Variants in TYR observed in about 807,000 individuals in gnomAD.
TYR encodes LB24-AB.
TYR carries 58 observed loss-of-function variants against 51.5 expected under a neutral mutation model. The observed-to-expected ratio is 1.13, with a 90% CI of 0.91 to 1.40. The LOEUF is 1.40. Ranked by LOEUF, TYR falls within the 40% of genes most tolerant of loss-of-function variation. The pLI is 0.00. For missense variants in TYR, 732 were observed against 647.4 expected, an observed-to-expected ratio of 1.13 and a Z score of -1.42; for synonymous variants, 263 against 235.2, an observed-to-expected ratio of 1.12 and a Z score of -1.08.
chr11:89,291,424 T>C (rs1382350392), intron 4 of TYR, among the ~76,000 whole-genome samples: 1 of 152,040 alleles, frequency 6.6e-6, no homozygotes, highest in Non-Finnish European at 1.5e-5. Context: ...TATCATCTAT[T>C]AATTGCATCA....
intron 2 of TYR, among the ~76,000 whole-genome samples, chr11:89,202,944 C>G (rs943667069): frequency 2.0e-5 from 3 of 152,092 alleles, no homozygotes; most frequent in African/African-American, 7.2e-5. Flanking sequence ...AGTAAAATCT[C>G]TAGTGTAAAA....
chr11:89,209,538 T>C (rs944957598), intron 2 of TYR, among the ~76,000 whole-genome samples: 4 of 152,164 alleles, frequency 2.6e-5, no homozygotes, highest in African/African-American at 7.2e-5. Context: ...AGGGCATATC[T>C]GAACAAAAGG....
chr11:89,260,625 C>A (rs1490911069), intron 3 of TYR, among the ~76,000 whole-genome samples: 1 of 152,084 alleles, frequency 6.6e-6, no homozygotes, highest in African/African-American at 2.4e-5. Flanking sequence ...GTAAAGAGCA[C>A]TGTGAAAGAT....
chr11:89,281,919 T>C (rs1287034610), intron 3 of TYR, among the ~76,000 whole-genome samples: 2 of 151,798 alleles, frequency 1.3e-5, no homozygotes, highest in African/African-American at 4.8e-5. Flanking sequence ...TAAGTTTTGC[T>C]AAAAAGATGA....
At chr11:89,285,203 C>G (rs1944769714) in intron 4 of TYR, among the ~76,000 whole-genome samples, 1 of 151,264 alleles carries the variant, frequency 6.6e-6, no homozygotes, top group South Asian at 2.1e-4. Flanking sequence ...GCAGTAGAAT[C>G]AGAAGAAGAA....
chr11:89,267,131 C>T (rs1164734626), intron 3 of TYR, among the ~76,000 whole-genome samples: 1 of 151,818 alleles, frequency 6.6e-6, no homozygotes, highest in Non-Finnish European at 1.5e-5. Flanking sequence ...AAAGTTGATG[C>T]TTAGGGCTTA....
intron 1 of TYR, among the ~76,000 whole-genome samples, chr11:89,184,647 G>A (rs1390828708): frequency 2.0e-5 from 3 of 152,082 alleles, no homozygotes; most frequent in Non-Finnish European, 4.4e-5. Context: ...CTAGAAACTG[G>A]CATTTGTTGA....
chr11:89,238,942 T>C (rs1401951519), intron 3 of TYR, among the ~76,000 whole-genome samples: 1 of 152,174 alleles, frequency 6.6e-6, no homozygotes, highest in East Asian at 1.9e-4. Flanking sequence ...TTGATGATAG[T>C]GAACCAGCCT....
At chr11:89,232,758 T>A (rs4418813) in intron 3 of TYR, among the ~76,000 whole-genome samples, 1 of 142,124 alleles carries the variant, frequency 7.0e-6, no homozygotes, top group Non-Finnish European at 1.5e-5. Flanking sequence ...TTAATGTAGA[T>A]TATTAAGTGT....
At chr11:89,287,842 G>T (rs4121402) in intron 4 of TYR, among the ~76,000 whole-genome samples, 1 of 151,878 alleles carries the variant, frequency 6.6e-6, no homozygotes, top group Non-Finnish European at 1.5e-5. Flanking sequence ...AAGAGGTAAA[G>T]GTAGTTTAAG....
intron 3 of TYR, among the ~76,000 whole-genome samples, chr11:89,231,464 A>G (rs1397507363): frequency 7.0e-6 from 1 of 143,108 alleles, no homozygotes; most frequent in Non-Finnish European, 1.5e-5. Flanking sequence ...TTCTGCCATA[A>G]AAAAGGAAAA....
intron 2 of TYR, among the ~76,000 whole-genome samples, chr11:89,212,411 C>T (rs564891182): frequency 6.6e-6 from 1 of 152,156 alleles, no homozygotes; most frequent in South Asian, 2.1e-4. Flanking sequence ...TCTGAATAGA[C>T]CAATAACAGG....
chr11:89,199,718 CTCTGTAA>C (rs760069529), intron 2 of TYR, among the ~76,000 whole-genome samples: 5 of 152,188 alleles, frequency 3.3e-5, no homozygotes, highest in Non-Finnish European at 7.4e-5. Flanking sequence ...CTGCCACCTT[CTCTGTAA>C]TCTTCAATAG....
rs770006288 is a variant in TYR, at chr11:89,284,897, G to A, written c.1309G>A (p.Asp437Asn). Residue 437 changes from aspartate (D) to asparagine (N), a missense_variant, in exon 4 of 5, where the codon GAT becomes AAT. Transcript: ENST00000263321. ...TTTTATACCACTGTACAGAAATGGT[G>A]ATTTCTTTATTTCATCCAAAGATCT... The part of the protein sequence containing the change: ...VPFIPLYRNG[D>N]FFISSKDLGY... 7.4e-6 allele frequency: 12 copies of A among 1,611,558 alleles called. No individual in the cohort carries two copies. The highest frequency in any genetic ancestry group is 5.9e-6 in the Non-Finnish European group (7 of 1,178,284).
intron 4 of TYR, among the ~76,000 whole-genome samples, chr11:89,286,926 T>C (rs1324153208): frequency 1.3e-5 from 2 of 151,910 alleles, no homozygotes. Flanking sequence ...GATTTTATGA[T>C]TTAGTGTCTG....
intron 3 of TYR, among the ~76,000 whole-genome samples, chr11:89,238,820 CT>C (rs1944155776): frequency 6.6e-6 from 1 of 152,016 alleles, no homozygotes; most frequent in Non-Finnish European, 1.5e-5. Flanking sequence ...TTGTTGAATA[CT>C]TTTTTCTATT....
chr11:89,248,816 A>G (rs1944298064), intron 3 of TYR, among the ~76,000 whole-genome samples: 1 of 152,198 alleles, frequency 6.6e-6, no homozygotes, highest in Admixed American at 6.6e-5. Flanking sequence ...GGTGATTTCA[A>G]CCACAGAGGT....
intron 3 of TYR, among the ~76,000 whole-genome samples, chr11:89,246,993 T>C (rs1944274914): frequency 6.6e-6 from 1 of 152,160 alleles, no homozygotes; most frequent in Non-Finnish European, 1.5e-5. Flanking sequence ...GACCTATCTG[T>C]TTCTGGGTTT....
Position 89,179,869 on chromosome 11 carries a change from C to T in TYR, c.819+1097C>T, listed in dbSNP as rs571187905. ...TTTAAAACCATATGTTAAAGGAATG[C>T]TTTTCTGCCTGTCTTCCAAAAATTT... On this transcript the variant is annotated intron_variant, in intron 1 of 4. Transcript: ENST00000263321. Among the ~76,000 whole-genome samples the T allele has an allele frequency of 1.6e-3, 243 of 152,300 alleles. 1 individual carries two copies. Among genetic ancestry groups the T allele is most frequent in the African/African-American group, 5.2e-3 (215 of 41,574 alleles).
Sources: allele counts gnomAD v4.1 joint callset (sites outside exome capture counted in the v4.1 genomes callset), GRCh38; gene constraint gnomAD v4.1.1; transcripts MANE v1.5; gene names NCBI Gene and HGNC (gene_info 2026-07-23, HGNC 2026-07-21).